The following C14orf132 variants were observed in gnomAD, a reference collection of about 807,000 sequenced individuals.
The protein encoded by C14orf132 is chromosome 14 open reading frame 132.
A neutral mutation model predicts 5.8 loss-of-function variants in C14orf132; 6 were observed. The observed-to-expected ratio is 1.03, with a 90% confidence interval of 0.57 to 2.04. The LOEUF (loss-of-function observed/expected upper bound fraction) is 2.04. Among genes scored for constraint, C14orf132 ranks in the 30% most tolerant of loss-of-function variants. The pLI, the probability that C14orf132 is intolerant of heterozygous loss-of-function variation, is 0.00. For missense variants in C14orf132, 125 were observed against 115.8 expected (o/e 1.08, Z -0.37); for synonymous variants, 51 against 49.8 (o/e 1.02, Z -0.10).
At chr14:96,052,150 T>A (rs1224154684) in intron 1 of C14orf132, among the ~76,000 whole-genome samples, 2 of 152,230 alleles carry the variant, frequency 1.3e-5, no homozygotes, top group Non-Finnish European at 2.9e-5. Flanking sequence ...GAGTCACAGC[T>A]GATGGATTGT....
At chr14:96,046,939 G>T (rs1366833588) in intron 1 of C14orf132, among the ~76,000 whole-genome samples, 1 of 152,210 alleles carries the variant, frequency 6.6e-6, no homozygotes, top group Non-Finnish European at 1.5e-5. Context: ...TGACAGATAT[G>T]CAAGAAACTA....
rs1396796961 is a variant in C14orf132, at chr14:96,091,060, A to T, written c.*4325A>T. 4.4e-6 allele frequency: 2 copies of T among 454,218 alleles called. No homozygotes were observed. The allele number at this position is 454,218 out of a possible 1,614,324, so 28.1% of individuals were successfully genotyped here. A position where few individuals can be genotyped will look rare whatever the true frequency, so the allele number is the denominator to read the frequency against. On this transcript the variant is annotated 3_prime_UTR_variant, in exon 2 of 2. Transcript: ENST00000555004. ...CAGGAATGAGGATGCAGAGAGATGC[A>T]CGTTAATTACTGTCGCATTTTTCTG...
chr14:96,047,907 G>T (rs182306700), intron 1 of C14orf132, among the ~76,000 whole-genome samples: 1 of 152,110 alleles, frequency 6.6e-6, no homozygotes, highest in Non-Finnish European at 1.5e-5. Context: ...CTCCAAAGTC[G>T]CTGAGCCCGG....
intron 1 of C14orf132, among the ~76,000 whole-genome samples, chr14:96,068,925 C>T (rs1168405298): frequency 6.6e-6 from 1 of 151,984 alleles, no homozygotes; most frequent in Non-Finnish European, 1.5e-5. Flanking sequence ...TCAACCAGTC[C>T]ACTGAGGGAG....
chr14:96,086,692 G>A lies in C14orf132; in HGVS notation c.209G>A (p.Gly70Glu). 1 of 1,536,196 alleles carries A rather than the reference G, an allele frequency of 6.5e-7. No individual in the cohort carries two copies. The highest frequency in any genetic ancestry group is 1.2e-5 in the South Asian group (1 of 84,064). Residue 70 changes from glycine to glutamate, a missense_variant, in exon 2 of 2, where the codon GGG (glycine) becomes GAG (glutamate). Coordinates refer to ENST00000555004, the MANE Select transcript of C14orf132 (RefSeq NM_001252507.3). ...TGGATTGCCATCATAGCTACGCTGG[G>A]GAACATCGTGGTGGTGGGCGTGGTG... Reference protein sequence around the residue: ...LLWIAIIATLGNIVVVGVVYA... With the variant: ...LLWIAIIATLENIVVVGVVYA...
At position 96,039,486 on chromosome 14, in the gene C14orf132, G is replaced by T. The variant is rs1886623303; in HGVS notation, c.-15G>T. The T allele has an allele frequency of 6.7e-7, 1 of 1,498,670 alleles. No individual in the cohort carries two copies. Among genetic ancestry groups the T allele is most frequent in the Admixed American group, 2.1e-5 (1 of 47,832 alleles). The allele number at this position is 1,498,670 out of a possible 1,614,324, so 92.8% of individuals were successfully genotyped here. A position where few individuals can be genotyped will look rare whatever the true frequency, so the allele number is the denominator to read the frequency against. ...CGGCAGCAGCGAGGACTCGAGCGCT[G>T]GCTGCAGCGACACCATGGATCTCTC... On this transcript the variant is annotated 5_prime_UTR_variant, in exon 1 of 2. Transcript: ENST00000555004. The surrounding 1 kb of genome is among the most constrained non-coding windows in gnomAD (Gnocchi z 5.3).
At chr14:96,048,339 T>C (rs1886890004) in intron 1 of C14orf132, among the ~76,000 whole-genome samples, 2 of 152,158 alleles carry the variant, frequency 1.3e-5, no homozygotes, top group Admixed American at 1.3e-4. Flanking sequence ...CTGGGCTGCA[T>C]GTATTTGCCT....
At chr14:96,084,812 A>G (rs1888130626) in intron 1 of C14orf132, among the ~76,000 whole-genome samples, 1 of 152,118 alleles carries the variant, frequency 6.6e-6, no homozygotes, top group South Asian at 2.1e-4. Context: ...CCTCAAGGAC[A>G]GCACCATGTT....
Position 96,088,352 on chromosome 14 carries a change from C to T in C14orf132, c.*1617C>T, listed in dbSNP as rs377745942. 2.0e-5 allele frequency: 3 copies of T among 152,300 alleles called. No homozygotes were observed. Among genetic ancestry groups the T allele is most frequent in the South Asian group, 4.1e-4 (2 of 4,826 alleles). The allele number at this position is 152,300 out of a possible 1,614,324, so 9.4% of individuals were successfully genotyped here. ...TTCTTACCGATCACATCTGTCACTG[C>T]CACCGTATATCATCTGCCAGTGCAT... On this transcript the variant is annotated 3_prime_UTR_variant, in exon 2 of 2. Coordinates refer to ENST00000555004, the MANE Select transcript of C14orf132 (RefSeq NM_001252507.3).
At chr14:96,061,934 A>G (rs1887369622) in intron 1 of C14orf132, among the ~76,000 whole-genome samples, 1 of 152,166 alleles carries the variant, frequency 6.6e-6, no homozygotes, top group South Asian at 2.1e-4. Context: ...AGATAAATAA[A>G]TAAATAAACA....
chr14:96,080,423 A>G (rs1887994656), intron 1 of C14orf132, among the ~76,000 whole-genome samples: 1 of 152,228 alleles, frequency 6.6e-6, no homozygotes, highest in South Asian at 2.1e-4. Flanking sequence ...CAAGACAGGC[A>G]CTGAGACTGC....
At chr14:96,045,502 G>C (rs1199633588) in intron 1 of C14orf132, among the ~76,000 whole-genome samples, 1 of 152,208 alleles carries the variant, frequency 6.6e-6, no homozygotes, top group African/African-American at 2.4e-5. Flanking sequence ...GTGACCTCAT[G>C]GAGTGGAGTT....
At chr14:96,059,654 G>T (rs1887286413) in intron 1 of C14orf132, among the ~76,000 whole-genome samples, 3 of 152,190 alleles carry the variant, frequency 2.0e-5, no homozygotes, top group Admixed American at 2.0e-4. Flanking sequence ...CCCTAGCTGG[G>T]TTGGGTATTT....
intron 1 of C14orf132, among the ~76,000 whole-genome samples, chr14:96,052,804 G>A (rs1051608903): frequency 3.3e-5 from 5 of 152,018 alleles, no homozygotes; most frequent in East Asian, 1.9e-4. Context: ...GGCATTCTGC[G>A]CAGTACCCTC....
At chr14:96,049,582 ATATATATACATATATACG>A in intron 1 of C14orf132, among the ~76,000 whole-genome samples, 2 of 121,928 alleles carry the variant, frequency 1.6e-5, no homozygotes, top group Non-Finnish European at 3.7e-5. Context: ...ATATATACGT[ATATATATACATATATACG>A]TATATATATA....
chr14:96,091,420 A>G lies in C14orf132; in HGVS notation c.*4685A>G, dbSNP rs1888401363. 1 of 205,954 alleles carries G rather than the reference A, an allele frequency of 4.9e-6. No homozygotes were observed. The highest frequency in any genetic ancestry group is 5.4e-5 in the Admixed American group (1 of 18,668). 12.8% of individuals were successfully genotyped at this position (205,954 alleles called of 1,614,324 possible). A position where few individuals can be genotyped will look rare whatever the true frequency, so the allele number is the denominator to read the frequency against. ...GGGGAGAGCAGCTGAGGCCGTGTGG[A>G]AAATTAGTGGAGAGCTGACAAGTGT... is the stretch of plus-strand genomic sequence containing the variant. On this transcript the variant is annotated 3_prime_UTR_variant, in exon 2 of 2. Transcript: ENST00000555004.
intron 1 of C14orf132, among the ~76,000 whole-genome samples, chr14:96,070,586 T>C (rs1353195897): frequency 7.8e-6 from 1 of 127,476 alleles, no homozygotes; most frequent in African/African-American, 2.9e-5. Context: ...ATGAAGTCTC[T>C]CTCTCTCTCT....
At chr14:96,063,151 C>T (rs1355238453) in intron 1 of C14orf132, among the ~76,000 whole-genome samples, 1 of 152,048 alleles carries the variant, frequency 6.6e-6, no homozygotes, top group Admixed American at 6.6e-5. Context: ...GTGAAGCAGC[C>T]GTTGACTTGC....
At chr14:96,069,846 A>C (rs1463400993) in intron 1 of C14orf132, among the ~76,000 whole-genome samples, 1 of 152,204 alleles carries the variant, frequency 6.6e-6, no homozygotes, top group South Asian at 2.1e-4. Flanking sequence ...AGCAAACACC[A>C]ACCAACCTTT....
Sources: allele counts gnomAD v4.1 joint callset (sites outside exome capture counted in the v4.1 genomes callset), GRCh38; gene constraint gnomAD v4.1.1; non-coding constraint Gnocchi (gnomAD v3.1); transcripts MANE v1.5; gene names NCBI Gene and HGNC (gene_info 2026-07-23, HGNC 2026-07-21).